The following ERI1 variants were observed in gnomAD, a reference collection of about 807,000 sequenced individuals.
The protein encoded by ERI1 is 3'-5' exoribonuclease 1.
Under a neutral mutation model 39.7 loss-of-function variants are expected in ERI1, and 39 were observed. The ratio of observed to expected loss-of-function variants is 0.98; its 90% CI spans 0.76 to 1.28. The LOEUF is 1.28. Among genes scored for constraint, ERI1 ranks in the 50% most tolerant of loss-of-function variants. The pLI, the probability that ERI1 is intolerant of heterozygous loss-of-function variation, is 0.00. For synonymous variants in ERI1, 204 were observed against 149.6 expected, an observed-to-expected ratio of 1.36 and a Z score of -2.65; for missense variants, 581 against 416.9, an observed-to-expected ratio of 1.39 and a Z score of -3.43.
intron 3 of ERI1, among the ~76,000 whole-genome samples, chr8:9,075,929 C>T (rs1280853299): frequency 1.3e-5 from 2 of 151,976 alleles, no homozygotes; most frequent in Non-Finnish European, 2.9e-5. Flanking sequence ...TAAGTCACTG[C>T]ACTTGGCTTT....
chr8:9,080,454 A>G (rs1393739312), intron 3 of ERI1, among the ~76,000 whole-genome samples: 1 of 152,232 alleles, frequency 6.6e-6, no homozygotes, highest in African/African-American at 2.4e-5. Context: ...GTTAGCAGAC[A>G]GAGACGTGAA....
chr8:9,023,315 T>A (rs781261063), intron 6 of ERI1, among the ~76,000 whole-genome samples: 1 of 152,176 alleles, frequency 6.6e-6, no homozygotes, highest in Non-Finnish European at 1.5e-5. Flanking sequence ...CTTTTGTATT[T>A]CATGTCAGTT....
At chr8:9,058,094 C>T (rs1323548542) in intron 3 of ERI1, among the ~76,000 whole-genome samples, 1 of 152,190 alleles carries the variant, frequency 6.6e-6, no homozygotes, top group Non-Finnish European at 1.5e-5. Context: ...GTAGCTGTGG[C>T]TGGCTGCTGC....
intron 3 of ERI1, among the ~76,000 whole-genome samples, chr8:9,098,779 G>A (rs1461682778): frequency 6.6e-6 from 1 of 152,086 alleles, no homozygotes; most frequent in African/African-American, 2.4e-5. Context: ...CCTTATTGAG[G>A]TATAATTGAC....
chr8:9,094,646 A>C (rs1359716843), intron 3 of ERI1, among the ~76,000 whole-genome samples: 1 of 151,996 alleles, frequency 6.6e-6, no homozygotes, highest in Non-Finnish European at 1.5e-5. Flanking sequence ...GGGGAACATA[A>C]ATGTGTTTCT....
intron 4 of ERI1, among the ~76,000 whole-genome samples, 168 bp downstream of exon 4, chr8:9,016,573 A>C (rs1463027607): frequency 6.6e-6 from 1 of 151,948 alleles, no homozygotes; most frequent in African/African-American, 2.4e-5. Flanking sequence ...AGCAAATTTT[A>C]TATCTGGTAA....
chr8:9,089,035 G>A (rs138686232), intron 3 of ERI1, among the ~76,000 whole-genome samples: 188 of 152,278 alleles, frequency 1.2e-3, no homozygotes, highest in Admixed American at 3.2e-3. Flanking sequence ...TAGAACTGTG[G>A]CTCAACCACT....
rs145506162 is a variant in ERI1 at position 9,027,677 on chromosome 8, A to C, written c.808-2115A>C. Reference sequence around the variant, plus strand: ...TTATATGGTGTAAGGTAAGGGTCCAACTTCATTCTTTTGCACGTGGATATT... The same window carrying C: ...TTATATGGTGTAAGGTAAGGGTCCACCTTCATTCTTTTGCACGTGGATATT... On this transcript the variant is annotated intron_variant, in intron 6 of 6. Coordinates refer to ENST00000250263, the MANE Select transcript of ERI1 (RefSeq NM_153332.4). Among the ~76,000 whole-genome samples, 9 of 152,228 alleles carry C rather than the reference A, an allele frequency of 5.9e-5. 1 individual carries two copies. Among genetic ancestry groups the C allele is most frequent in the East Asian group, 1.9e-4 (1 of 5,182 alleles).
At chr8:9,088,929 C>T (rs781290853) in intron 3 of ERI1, among the ~76,000 whole-genome samples, 5 of 152,184 alleles carry the variant, frequency 3.3e-5, no homozygotes, top group Admixed American at 2.0e-4. Flanking sequence ...GCTCCTCCTA[C>T]CCTGGAGAGC....
downstream of ERI1, among the ~76,000 whole-genome samples, chr8:9,034,057 C>A (rs980529606): frequency 6.6e-6 from 1 of 152,138 alleles, no homozygotes; most frequent in African/African-American, 2.4e-5. Flanking sequence ...CCTCCATGTT[C>A]TTGAGATTAG....
intron 3 of ERI1, among the ~76,000 whole-genome samples, chr8:9,047,881 G>A (rs1798226274): frequency 1.3e-5 from 2 of 152,148 alleles, no homozygotes; most frequent in African/African-American, 4.8e-5. Context: ...GTGCACACAC[G>A]CCCACCAGGC....
chr8:9,033,815 A>G (rs1468937399), downstream of ERI1, among the ~76,000 whole-genome samples: 1 of 152,144 alleles, frequency 6.6e-6, no homozygotes, highest in African/African-American at 2.4e-5. Context: ...GCTTAACCTG[A>G]TATTCCAGGA....
At chr8:9,066,490 C>T (rs953263462) in intron 3 of ERI1, among the ~76,000 whole-genome samples, 2 of 152,172 alleles carry the variant, frequency 1.3e-5, no homozygotes, top group African/African-American at 4.8e-5. Flanking sequence ...AACTCACCAA[C>T]ACTGGCAGTG....
At chr8:9,054,601 T>C (rs1288615321) in intron 3 of ERI1, among the ~76,000 whole-genome samples, 2 of 152,224 alleles carry the variant, frequency 1.3e-5, no homozygotes, top group African/African-American at 4.8e-5. Flanking sequence ...TGTTTACATT[T>C]AGGTTCAAGG....
intron 3 of ERI1, among the ~76,000 whole-genome samples, chr8:9,090,742 A>G (rs1476217715): frequency 6.6e-6 from 1 of 152,228 alleles, no homozygotes; most frequent in Non-Finnish European, 1.5e-5. Flanking sequence ...ATGGTTTCAA[A>G]GTAATAATAA....
chr8:9,079,975 A>G (rs968984447), intron 3 of ERI1, among the ~76,000 whole-genome samples: 3 of 146,444 alleles, frequency 2.0e-5, no homozygotes, highest in Non-Finnish European at 4.5e-5. Context: ...TTGGCCCACA[A>G]GCAGGTTTTT....
intron 6 of ERI1, among the ~76,000 whole-genome samples, chr8:9,028,564 A>G (rs1333108086): frequency 1.3e-5 from 2 of 152,252 alleles, no homozygotes; most frequent in African/African-American, 4.8e-5. Context: ...AAATAGTTGT[A>G]CAAACTACAG....
chr8:9,058,917 T>C (rs973434921), intron 3 of ERI1, among the ~76,000 whole-genome samples: 2 of 152,148 alleles, frequency 1.3e-5, no homozygotes, highest in Non-Finnish European at 2.9e-5. Flanking sequence ...CCAACTTTCA[T>C]GCGCGTCCGT....
intron 5 of ERI1, among the ~76,000 whole-genome samples, chr8:9,019,346 T>C (rs913112230): frequency 1.3e-5 from 2 of 152,198 alleles, no homozygotes; most frequent in East Asian, 1.9e-4. Flanking sequence ...GAGAAAAGCA[T>C]TGAATTTAAT....
Sources: allele counts gnomAD v4.1 joint callset (sites outside exome capture counted in the v4.1 genomes callset), GRCh38; gene constraint gnomAD v4.1.1; transcripts MANE v1.5; gene names NCBI Gene and HGNC (gene_info 2026-07-23, HGNC 2026-07-21).